The following CTNNA3 variants were observed in gnomAD, a reference collection of about 807,000 sequenced individuals.
CTNNA3 encodes catenin alpha 3, also known as catenin alpha-3.
In CTNNA3, 76 loss-of-function variants were observed where a neutral mutation model predicts 95.7. The ratio of observed to expected loss-of-function variants is 0.79; its 90% confidence interval spans 0.66 to 0.96. CTNNA3 has a LOEUF of 0.96. Among genes scored for constraint, CTNNA3 ranks in the 40% least tolerant of loss-of-function variants. CTNNA3 has a pLI of 0.00. For missense variants in CTNNA3, 1,191 were observed against 1,089.8 expected, an observed-to-expected ratio of 1.09 and a Z score of -1.31; for synonymous variants, 431 against 374.4, an observed-to-expected ratio of 1.15 and a Z score of -1.74.
At chr10:67,331,962 T>C (rs961243118) in intron 5 of CTNNA3, among the ~76,000 whole-genome samples, 1 of 152,170 alleles carries the variant, frequency 6.6e-6, no homozygotes, top group Non-Finnish European at 1.5e-5. Flanking sequence ...TATATAGCCA[T>C]TCTCAATAAA....
At chr10:67,018,413 CA>C (rs1461704011) in intron 7 of CTNNA3, among the ~76,000 whole-genome samples, 1 of 152,118 alleles carries the variant, frequency 6.6e-6, no homozygotes, top group Non-Finnish European at 1.5e-5. Flanking sequence ...TATAAATGTC[CA>C]AAACCACATT....
chr10:67,168,762 T>C lies in CTNNA3; in HGVS notation c.1047+11555A>G, dbSNP rs149314541. On this transcript the variant is annotated intron_variant, in intron 7 of 17. Coordinates refer to ENST00000433211, the MANE Select transcript of CTNNA3 (RefSeq NM_013266.4). ...CTCTTGCCACTTCTATTCAACATCA[T>C]ATTAGAAGTCTAAGCCAAAGCAATC... 2.1e-3 allele frequency among the ~76,000 whole-genome samples: 314 copies of C among 152,270 alleles called. 3 individuals carry two copies. Among genetic ancestry groups the C allele is most frequent in the African/African-American group, 7.2e-3 (298 of 41,546 alleles).
At chr10:65,937,013 T>C (rs2077350923) in intron 17 of CTNNA3, among the ~76,000 whole-genome samples, 1 of 151,910 alleles carries the variant, frequency 6.6e-6, no homozygotes, top group South Asian at 2.1e-4. Flanking sequence ...ACATTTGTTA[T>C]AGTCTGCCAC....
chr10:66,048,024 A>G (rs2079865960), intron 15 of CTNNA3, among the ~76,000 whole-genome samples: 1 of 152,202 alleles, frequency 6.6e-6, no homozygotes, highest in African/African-American at 2.4e-5. Flanking sequence ...AGAAAGAATC[A>G]ACATTATTAA....
chr10:66,190,475 T>G (rs1359093880), intron 13 of CTNNA3, among the ~76,000 whole-genome samples: 2 of 152,152 alleles, frequency 1.3e-5, no homozygotes, highest in Admixed American at 6.6e-5. Flanking sequence ...TCTGGAAGCC[T>G]TATGGTCTGA....
At chr10:67,227,725 C>T (rs1048993020) in intron 5 of CTNNA3, among the ~76,000 whole-genome samples, 3 of 152,100 alleles carry the variant, frequency 2.0e-5, no homozygotes, top group Non-Finnish European at 4.4e-5. Context: ...ACATTTCATC[C>T]AACAACCACA....
chr10:66,276,857 T>C (rs1277960831), intron 13 of CTNNA3, among the ~76,000 whole-genome samples: 1 of 152,118 alleles, frequency 6.6e-6, no homozygotes, highest in Non-Finnish European at 1.5e-5. Context: ...TATTAACTCA[T>C]GTAAGCATAA....
intron 9 of CTNNA3, among the ~76,000 whole-genome samples, chr10:66,693,058 C>T (rs927435894): frequency 1.3e-5 from 2 of 152,068 alleles, no homozygotes; most frequent in Non-Finnish European, 2.9e-5. Context: ...CATCAACTAA[C>T]GAGCAAAATA....
intron 7 of CTNNA3, among the ~76,000 whole-genome samples, chr10:66,949,050 T>C (rs139048158): frequency 6.6e-6 from 1 of 152,294 alleles, no homozygotes. Flanking sequence ...CAAACAAATA[T>C]AACAAATTTA....
At chr10:66,876,541 A>G (rs1329163846) in intron 7 of CTNNA3, among the ~76,000 whole-genome samples, 1 of 152,116 alleles carries the variant, frequency 6.6e-6, no homozygotes, top group Non-Finnish European at 1.5e-5. Context: ...TGTAATGTGG[A>G]TATATCCTTA....
chr10:67,600,865 A>AACT (rs140291151), intron 3 of CTNNA3, among the ~76,000 whole-genome samples: 3,315 of 152,326 alleles, frequency 0.022, 126 homozygotes, highest in African/African-American at 0.075. Context: ...TGAATGAATG[A>AACT]ACTACTACAT....
At chr10:66,564,429 C>T (rs750573743) in intron 10 of CTNNA3, among the ~76,000 whole-genome samples, 3 of 152,210 alleles carry the variant, frequency 2.0e-5, no homozygotes, top group South Asian at 2.1e-4. Flanking sequence ...CTCATGGGCC[C>T]GCTTCATCCA....
intron 6 of CTNNA3, among the ~76,000 whole-genome samples, chr10:67,209,511 T>C (rs1218987633): frequency 9.2e-5 from 14 of 152,128 alleles, no homozygotes; most frequent in Non-Finnish European, 1.5e-5. Flanking sequence ...TTACGAACTT[T>C]TAAAACTTCC....
intron 13 of CTNNA3, among the ~76,000 whole-genome samples, chr10:66,163,643 T>G (rs928898787): frequency 1.3e-5 from 2 of 152,174 alleles, no homozygotes; most frequent in African/African-American, 4.8e-5. Flanking sequence ...GTTCTTGCAG[T>G]TGATTTCACT....
At position 66,762,575 on chromosome 10, in the gene CTNNA3, T is replaced by C. The variant is rs1839643862; in HGVS notation, c.1281+3689A>G. 2.0e-5 allele frequency among the ~76,000 whole-genome samples: 3 copies of C among 151,678 alleles called. No individual in the cohort carries two copies. The South Asian group carries it at 6.2e-4, about 32-fold the overall frequency. On this transcript the variant is annotated intron_variant, in intron 9 of 17. Coordinates refer to ENST00000433211, the MANE Select transcript of CTNNA3 (RefSeq NM_013266.4). ...ACATCTGAGGTCTCCTCCTGTATTATTAGTATAGCGGGACACCTCAGATGT... is the reference window on the plus strand; with the variant it reads ...ACATCTGAGGTCTCCTCCTGTATTACTAGTATAGCGGGACACCTCAGATGT...
intron 7 of CTNNA3, among the ~76,000 whole-genome samples, chr10:67,167,092 A>G (rs4601651): frequency 0.38 from 58,151 of 151,474 alleles, 15,777 homozygotes; most frequent in African/African-American, 0.78. Context: ...GGGTGACAGA[A>G]CGAGACTCCA....
At chr10:66,315,092 T>G (rs1298916442) in intron 12 of CTNNA3, among the ~76,000 whole-genome samples, 6 of 152,242 alleles carry the variant, frequency 3.9e-5, no homozygotes, top group Non-Finnish European at 8.8e-5. Context: ...ACCGTGGTTC[T>G]TTCTTTATTA....
chr10:66,321,061 G>C (rs1285840729), intron 12 of CTNNA3, among the ~76,000 whole-genome samples: 4 of 152,024 alleles, frequency 2.6e-5, no homozygotes, highest in Admixed American at 1.3e-4. Context: ...ATTATGCTCT[G>C]TACAGCTTCA....
At chr10:66,751,551 T>G (rs1179251967) in intron 9 of CTNNA3, among the ~76,000 whole-genome samples, 1 of 152,218 alleles carries the variant, frequency 6.6e-6, no homozygotes, top group Non-Finnish European at 1.5e-5. Context: ...ATAGGTGTGC[T>G]GTCCATAGAC....
Sources: gnomAD v4.1 joint callset for allele counts (sites outside exome capture counted in the v4.1 genomes callset) on GRCh38, gnomAD v4.1.1 for gene constraint, MANE v1.5 for transcripts, NCBI Gene and HGNC (gene_info 2026-07-23, HGNC 2026-07-21) for gene names.